Variants in EXOC3 observed in about 807,000 individuals in gnomAD.
EXOC3 encodes the protein exocyst complex component 3.
EXOC3 carries 21 observed loss-of-function variants against 73.7 expected under a neutral mutation model. That is an observed-to-expected ratio of 0.29 (90% confidence interval 0.20 to 0.41). The LOEUF (loss-of-function observed/expected upper bound fraction) is 0.41. Among genes scored for constraint, EXOC3 ranks in the 10% least tolerant of loss-of-function variants. EXOC3 has a pLI of 1.00. For synonymous variants in EXOC3, 410 were observed against 389.1 expected (o/e 1.05, Z -0.63); for missense variants, 842 against 985.1 (o/e 0.85, Z 1.95).
chr5:446,130 C>T lies in EXOC3; in HGVS notation c.-56-20C>T, dbSNP rs750340176. 6.4e-6 allele frequency: 10 copies of T among 1,561,188 alleles called. No individual in the cohort carries two copies. The highest frequency in any genetic ancestry group is 4.1e-5 in the African/African-American group (3 of 73,796). Reference sequence around the variant, plus strand: ...GAGGTTTTGTACCTAACATTTCTACCGTCCTAACAACTCCTGCAGTGCACA... The same window carrying T: ...GAGGTTTTGTACCTAACATTTCTACTGTCCTAACAACTCCTGCAGTGCACA... On this transcript the variant is annotated intron_variant, in intron 1 of 12. Transcript: ENST00000512944.
At chr5:457,429 C>T (rs1021497058) in intron 5 of EXOC3, 1 of 246,390 alleles carries the variant, frequency 4.1e-6, no homozygotes, top group Admixed American at 5.0e-5. Flanking sequence ...GGGTCTGCTT[C>T]TTAGACAAGG....
Position 457,882 on chromosome 5 carries a change from A to T in EXOC3, c.1165-18A>T. 1 of 1,596,696 alleles carries T rather than the reference A, an allele frequency of 6.3e-7. No homozygotes were observed. The highest frequency in any genetic ancestry group is 8.5e-7 in the Non-Finnish European group (1 of 1,170,940). ...GCTCTTCTCTCTTCTCTTCTCCATG[A>T]TGCTGAACTTTCTTTAGTCAAACAT... On this transcript the variant is annotated intron_variant, in intron 5 of 12. Transcript: ENST00000512944.
intron 1 of EXOC3, among the ~76,000 whole-genome samples, chr5:445,449 A>C (rs963575957): frequency 6.7e-6 from 1 of 149,444 alleles, no homozygotes; most frequent in Non-Finnish European, 1.5e-5. Flanking sequence ...TCCGGGGTTC[A>C]CGCCAGTCTC....
chr5:464,844 G>C (rs1044615865), intron 10 of EXOC3: 17 of 534,094 alleles, frequency 3.2e-5, no homozygotes, highest in Admixed American at 2.9e-4. Flanking sequence ...TCTGTGGACC[G>C]AGTGCTCATG....
intron 5 of EXOC3, 59 bp downstream of exon 5, chr5:457,065 G>A (rs1256920518): frequency 1.6e-6 from 2 of 1,224,598 alleles, no homozygotes; most frequent in Admixed American, 1.8e-5. Context: ...AGTAACTAGG[G>A]CTTGGCAGCA....
rs767424178 is a variant in EXOC3, at chr5:459,412, A to C, written c.1344A>C (p.Thr448=). 9.5e-6 allele frequency: 15 copies of C among 1,575,772 alleles called. No homozygotes were observed. The highest frequency in any genetic ancestry group is 8.6e-7 in the Non-Finnish European group (1 of 1,157,436). The change falls in exon 7 of 13, where the codon ACA becomes ACC. Residue 448 remains threonine, a synonymous_variant. Coordinates refer to ENST00000512944, the MANE Select transcript of EXOC3 (RefSeq NM_007277.5). The part of the protein sequence containing the change: ...VAAQISEDLK[T]KVLVLCLQQM... ...CTCAGATAAGTGAAGATTTGAAAAC[A>C]AAGGTACTAGTTTTATGTCTTCAGC...
rs1309044571 is a variant in EXOC3 at position 467,283 on chromosome 5, C to T, written c.*385C>T. ...CCTAATTAAAGTTTCTCGGCTTCCT[C>T]AGAGAAATGAAAACGCCATGCATTC... On this transcript the variant is annotated 3_prime_UTR_variant, in exon 13 of 13. Coordinates refer to ENST00000512944, the MANE Select transcript of EXOC3 (RefSeq NM_007277.5). The T allele has an allele frequency of 5.0e-6, 1 of 198,618 alleles. No homozygotes were observed. The highest frequency in any genetic ancestry group is 1.0e-5 in the Non-Finnish European group (1 of 98,550). 12.3% of individuals were successfully genotyped at this position (198,618 alleles called of 1,614,324 possible). A position where few individuals can be genotyped will look rare whatever the true frequency, so the allele number is the denominator to read the frequency against.
In EXOC3 at chr5:454,045, A is replaced by G. The variant is rs1560937169; in HGVS notation, c.1040A>G (p.Tyr347Cys). Residue 347 changes from tyrosine (Y) to cysteine (C), a missense_variant, in exon 4 of 13, where the codon TAC (tyrosine) becomes TGC (cysteine). Coordinates refer to ENST00000512944, the MANE Select transcript of EXOC3 (RefSeq NM_007277.5). ...VSLLTWVLNT[Y>C]TSTEMMRNVE... Reference sequence around the variant, plus strand: ...CTCTTGACGTGGGTCTTAAACACCTACACAAGGTAAAGCTAACCTGGCGCC... The same window carrying G: ...CTCTTGACGTGGGTCTTAAACACCTGCACAAGGTAAAGCTAACCTGGCGCC... The G allele has an allele frequency of 1.2e-6, 2 of 1,600,742 alleles. No homozygotes were observed. Among genetic ancestry groups the G allele is most frequent in the Middle Eastern group, 3.3e-4 (2 of 6,054 alleles).
Position 466,907 on chromosome 5 carries a change from G to C in EXOC3, c.*9G>C. On this transcript the variant is annotated 3_prime_UTR_variant, in exon 13 of 13. Coordinates refer to ENST00000512944, the MANE Select transcript of EXOC3 (RefSeq NM_007277.5). Reference sequence around the variant, plus strand: ...CCAAGCTGCTCAAGTAGCCTCCGCCGGCCTGCCCTGCTCGCCCCTCCACAG... The same window carrying C: ...CCAAGCTGCTCAAGTAGCCTCCGCCCGCCTGCCCTGCTCGCCCCTCCACAG... The C allele has an allele frequency of 6.3e-7, 1 of 1,588,864 alleles. No individual in the cohort carries two copies.
intron 7 of EXOC3, among the ~76,000 whole-genome samples, chr5:460,318 C>T (rs1737947785): frequency 6.6e-6 from 1 of 151,728 alleles, no homozygotes; most frequent in Non-Finnish European, 1.5e-5. Context: ...TGTCCCTCAG[C>T]CTCCTCCTCA....
At chr5:448,290 G>A (rs1485539478) in intron 3 of EXOC3, among the ~76,000 whole-genome samples, 1 of 152,208 alleles carries the variant, frequency 6.6e-6, no homozygotes, top group Admixed American at 6.5e-5. Context: ...TCAGTTAGAA[G>A]GATGCCAAGG....
intron 1 of EXOC3, among the ~76,000 whole-genome samples, chr5:445,643 C>G (rs1168943119): frequency 6.6e-6 from 1 of 152,212 alleles, no homozygotes; most frequent in Non-Finnish European, 1.5e-5. Flanking sequence ...CGTGAGCCAC[C>G]GGGCCTGGCT....
intron 4 of EXOC3, 125 bp from the exon 5 acceptor site, chr5:456,764 G>C (rs1737828771): frequency 1.3e-6 from 1 of 751,118 alleles, no homozygotes; most frequent in East Asian, 2.7e-5. Flanking sequence ...CTGTGGGCCG[G>C]CTGTGACCAG....
chr5:457,705 G>C (rs749873838), intron 5 of EXOC3, 195 bp from the exon 6 acceptor site: 2 of 561,458 alleles, frequency 3.6e-6, no homozygotes, highest in Admixed American at 3.1e-5. Flanking sequence ...AAACCCCTGC[G>C]GGCTGCTGTG....
chr5:447,602 G>A lies in EXOC3; in HGVS notation c.214G>A (p.Val72Ile), dbSNP rs777592491. The A allele has an allele frequency of 5.7e-6, 9 of 1,590,118 alleles. No individual in the cohort carries two copies. The highest frequency in any genetic ancestry group is 2.3e-5 in the East Asian group (1 of 43,344). Reference protein sequence around the residue: ...LSQLHNALNDVKDIQQSLADV... With the variant: ...LSQLHNALNDIKDIQQSLADV... ...CCAGCTCCACAACGCCCTGAATGACGTCAAAGACATCCAGCAGTCGCTGGC... is the reference window on the plus strand; with the variant it reads ...CCAGCTCCACAACGCCCTGAATGACATCAAAGACATCCAGCAGTCGCTGGC... Residue 72 changes from valine (V) to isoleucine (I), a missense_variant, in exon 3 of 13, where the codon GTC (valine) becomes ATC (isoleucine). Transcript: ENST00000512944.
In EXOC3 at chr5:459,466, C is replaced by G; in HGVS notation, c.1391+7C>G. On this transcript the variant is annotated splice_region_variant and intron_variant, in intron 7 of 12. Transcript: ENST00000512944. ...TGAATTCTTTCCTAAGCAGGTATGT[C>G]TTTCTGCCAGTGTGCTAATGTACAC... 6.9e-7 allele frequency: 1 copy of G among 1,447,122 alleles called. No individual in the cohort carries two copies. Among genetic ancestry groups the G allele is most frequent in the Non-Finnish European group, 9.4e-7 (1 of 1,058,922 alleles). The allele number at this position is 1,447,122 out of a possible 1,614,324, so 89.6% of individuals were successfully genotyped here.
chr5:465,930 T>C, intron 12 of EXOC3, 85 bp downstream of exon 12: 2 of 1,466,744 alleles, frequency 1.4e-6, no homozygotes, highest in Non-Finnish European at 1.8e-6. Flanking sequence ...CGGGTGGGGC[T>C]CCTGGTTCGC....
At chr5:449,295 AATGCAT>A (rs1737590575) in intron 3 of EXOC3, among the ~76,000 whole-genome samples, 1 of 152,290 alleles carries the variant, frequency 6.6e-6, no homozygotes, top group Non-Finnish European at 1.5e-5. Flanking sequence ...CTTCTTCTAA[AATGCAT>A]ATGTACAGTT....
At chr5:460,269 C>T (rs1737946569) in intron 7 of EXOC3, among the ~76,000 whole-genome samples, 2 of 152,204 alleles carry the variant, frequency 1.3e-5, no homozygotes, top group African/African-American at 4.8e-5. Context: ...TAGCCCCTTC[C>T]CTCCTTCAGC....
Sources: allele counts gnomAD v4.1 joint callset (sites outside exome capture counted in the v4.1 genomes callset), GRCh38; gene constraint gnomAD v4.1.1; transcripts MANE v1.5; gene names NCBI Gene and HGNC (gene_info 2026-07-23, HGNC 2026-07-21).